The following PRKCH variants were observed in gnomAD, a reference collection of about 807,000 sequenced individuals.
PRKCH encodes protein kinase C eta type.
Under a neutral mutation model 82.5 loss-of-function variants are expected in PRKCH, and 28 were observed. The ratio of observed to expected loss-of-function variants is 0.34; its 90% CI spans 0.25 to 0.47. PRKCH has a LOEUF of 0.47. PRKCH is among the 20% of genes least tolerant of loss of function. The probability of loss-of-function intolerance (pLI) is 1.00; values close to 1 mark genes in which losing one functional copy is unlikely to be tolerated. For missense variants in PRKCH, 705 were observed against 881.8 expected (o/e 0.80, Z 2.54); for synonymous variants, 322 against 327.4 (o/e 0.98, Z 0.18).
chr14:61,352,417 CT>C (rs1406319390), intron 1 of PRKCH, among the ~76,000 whole-genome samples: 2 of 152,042 alleles, frequency 1.3e-5, no homozygotes, highest in Non-Finnish European at 2.9e-5. Flanking sequence ...GATCCCAGCA[CT>C]TTGGGAGGCC....
At chr14:61,377,669 C>A (rs998631668) in intron 1 of PRKCH, among the ~76,000 whole-genome samples, 1 of 152,200 alleles carries the variant, frequency 6.6e-6, no homozygotes, top group Non-Finnish European at 1.5e-5. Flanking sequence ...AAATAGGCAG[C>A]AGCTGGCATT....
intron 12 of PRKCH, among the ~76,000 whole-genome samples, chr14:61,542,792 A>G (rs1005409015): frequency 6.6e-5 from 10 of 152,190 alleles, no homozygotes; most frequent in African/African-American, 2.4e-4. Context: ...TAATGGAAGT[A>G]TTCTGCAAAA....
chr14:61,527,730 G>A (rs770725038), intron 10 of PRKCH, among the ~76,000 whole-genome samples: 17 of 152,156 alleles, frequency 1.1e-4, no homozygotes, highest in Non-Finnish European at 1.8e-4. Context: ...CTGTAGCCCT[G>A]AGATTTTTCA....
intron 1 of PRKCH, among the ~76,000 whole-genome samples, chr14:61,200,267 G>GA (rs2044469936): frequency 6.6e-6 from 1 of 151,854 alleles, no homozygotes; most frequent in Non-Finnish European, 1.5e-5. Context: ...TAAAACCATA[G>GA]AAAAAAATGT....
intron 9 of PRKCH, among the ~76,000 whole-genome samples, chr14:61,477,544 A>G (rs1318856921): frequency 6.6e-6 from 1 of 152,244 alleles, no homozygotes; most frequent in African/African-American, 2.4e-5. Context: ...AACTGCTATA[A>G]AAAGTCTCGC....
At chr14:61,295,879 C>A (rs943839067) in intron 1 of PRKCH, among the ~76,000 whole-genome samples, 1 of 151,660 alleles carries the variant, frequency 6.6e-6, no homozygotes, top group Non-Finnish European at 1.5e-5. Flanking sequence ...TTTTTTAAAC[C>A]CTTTGCTGGT....
intron 1 of PRKCH, among the ~76,000 whole-genome samples, chr14:61,383,769 T>G (rs2046547181): frequency 6.6e-6 from 1 of 151,660 alleles, no homozygotes; most frequent in African/African-American, 2.4e-5. Flanking sequence ...TGTGGCTGAG[T>G]GATAGAGCCA....
intron 1 of PRKCH, among the ~76,000 whole-genome samples, chr14:61,240,587 C>A (rs189585328): frequency 6.6e-6 from 1 of 152,132 alleles, no homozygotes; most frequent in East Asian, 1.9e-4. Flanking sequence ...GTTTTTCAAG[C>A]CTCTTTCGGT....
chr14:61,443,405 C>T, intron 3 of PRKCH, 144 bp downstream of exon 3: 1 of 803,790 alleles, frequency 1.2e-6, no homozygotes, highest in Non-Finnish European at 1.8e-6. Context: ...TATGTTGACC[C>T]AGTAATTTAA....
At chr14:61,459,232 A>G (rs1187093044) in intron 9 of PRKCH, among the ~76,000 whole-genome samples, 1 of 152,184 alleles carries the variant, frequency 6.6e-6, no homozygotes, top group Non-Finnish European at 1.5e-5. Context: ...TGCCACCATC[A>G]AGGAAGTAGG....
At chr14:61,475,467 C>T (rs769242638) in intron 9 of PRKCH, among the ~76,000 whole-genome samples, 1 of 152,150 alleles carries the variant, frequency 6.6e-6, no homozygotes, top group Non-Finnish European at 1.5e-5. Flanking sequence ...AATGATTGAC[C>T]AATCAATTAA....
chr14:61,463,696 G>T (rs1339839147), intron 9 of PRKCH, among the ~76,000 whole-genome samples: 1 of 151,782 alleles, frequency 6.6e-6, no homozygotes, highest in Admixed American at 6.5e-5. Flanking sequence ...AATTTTCAGT[G>T]CTTTGTTTAT....
intron 1 of PRKCH, among the ~76,000 whole-genome samples, chr14:61,237,261 A>T (rs993341144): frequency 6.6e-6 from 1 of 151,144 alleles, no homozygotes; most frequent in African/African-American, 2.4e-5. Flanking sequence ...AAAAAAAAAG[A>T]TACCAAATTC....
At chr14:61,510,087 G>A (rs942865984) in intron 10 of PRKCH, among the ~76,000 whole-genome samples, 4 of 152,118 alleles carry the variant, frequency 2.6e-5, no homozygotes, top group African/African-American at 4.8e-5. Context: ...GCAGAAAAGC[G>A]TCCTGTGCTA....
At chr14:61,350,566 T>C (rs2046059263) in intron 1 of PRKCH, among the ~76,000 whole-genome samples, 1 of 152,110 alleles carries the variant, frequency 6.6e-6, no homozygotes, top group Non-Finnish European at 1.5e-5. Context: ...ACAGAGACTC[T>C]CTTCTCACCT....
chr14:61,266,123 A>G (rs1468220307), intron 1 of PRKCH, among the ~76,000 whole-genome samples: 1 of 152,096 alleles, frequency 6.6e-6, no homozygotes, highest in Non-Finnish European at 1.5e-5. Context: ...TTTTAGAAAA[A>G]TCATAGGTCC....
chr14:61,345,874 CTT>C (rs10596430), intron 1 of PRKCH, among the ~76,000 whole-genome samples: 6 of 74,940 alleles, frequency 8.0e-5, no homozygotes, highest in African/African-American at 1.4e-4. Context: ...CCCTGTCTCT[CTT>C]TTTTTTTTTT....
At chr14:61,528,619 C>A (rs1348493403) in intron 10 of PRKCH, among the ~76,000 whole-genome samples, 2 of 152,196 alleles carry the variant, frequency 1.3e-5, no homozygotes, top group East Asian at 1.9e-4. Context: ...GAGTTCCTTG[C>A]AGATGAAGAT....
At chr14:61,286,452 G>A (rs1186146713) in intron 1 of PRKCH, among the ~76,000 whole-genome samples, 3 of 152,136 alleles carry the variant, frequency 2.0e-5, no homozygotes, top group Non-Finnish European at 2.9e-5. Context: ...TCCCTGCCAC[G>A]GTGTGTTGGT....
Sources: allele counts gnomAD v4.1 joint callset (sites outside exome capture counted in the v4.1 genomes callset), GRCh38; gene constraint gnomAD v4.1.1; transcripts MANE v1.5; gene names NCBI Gene and HGNC (gene_info 2026-07-23, HGNC 2026-07-21).